Variants in SUGCT observed in about 807,000 individuals in gnomAD.
The protein encoded by SUGCT is succinyl-CoA:glutarate-CoA transferase.
A neutral mutation model predicts 55.0 loss-of-function variants in SUGCT; 41 were observed. The observed-to-expected ratio is 0.74, with a 90% CI of 0.58 to 0.97. The LOEUF is 0.97. Ranked by LOEUF, SUGCT falls within the 50% of genes least tolerant of loss-of-function variation. SUGCT has a pLI of 0.00. For missense variants in SUGCT, 568 were observed against 547.8 expected (o/e 1.04, Z -0.37); for synonymous variants, 187 against 200.4 (o/e 0.93, Z 0.56).
intron 9 of SUGCT, among the ~76,000 whole-genome samples, chr7:40,394,126 A>G (rs1785589470): frequency 1.3e-5 from 2 of 152,158 alleles, no homozygotes; most frequent in South Asian, 4.1e-4. Context: ...TATTTTCTTT[A>G]TAGCAGTGGT....
chr7:40,611,142 T>A lies in SUGCT; in HGVS notation c.1089+114756T>A, dbSNP rs900625510. Among the ~76,000 whole-genome samples, 8 of 152,314 alleles carry A rather than the reference T, an allele frequency of 5.3e-5. No individual in the cohort carries two copies. The South Asian group carries it at 1.7e-3, about 32-fold the overall frequency. On this transcript the variant is annotated intron_variant, in intron 12 of 13. Transcript: ENST00000335693. ...CACTCATACAGTTTTTTAGTCAGGG[T>A]GCATCAGATTTAGTAATATGTCTCC...
intron 6 of SUGCT, among the ~76,000 whole-genome samples, chr7:40,232,598 G>T (rs1443352848): frequency 2.0e-5 from 3 of 152,122 alleles, no homozygotes; most frequent in Non-Finnish European, 4.4e-5. Context: ...GGGTAGGCAG[G>T]CCAGATCATA....
the SUGCT span, among the ~76,000 whole-genome samples, chr7:40,916,235 A>G: frequency 3.3e-5 from 5 of 152,110 alleles, no homozygotes; most frequent in Non-Finnish European, 7.3e-5. Flanking sequence ...AATATTTTGT[A>G]TGGGATCTAC....
intron 12 of SUGCT, among the ~76,000 whole-genome samples, chr7:40,668,826 C>G (rs916097232): frequency 3.3e-5 from 5 of 152,162 alleles, no homozygotes; most frequent in Admixed American, 6.5e-5. Context: ...CTGCTGTACT[C>G]TAGCCAAACA....
At chr7:40,593,272 A>G (rs1797825491) in intron 12 of SUGCT, among the ~76,000 whole-genome samples, 1 of 152,118 alleles carries the variant, frequency 6.6e-6, no homozygotes, top group South Asian at 2.1e-4. Flanking sequence ...TACTGGTTTA[A>G]CAATTTCTCT....
intron 11 of SUGCT, among the ~76,000 whole-genome samples, chr7:40,469,334 A>G (rs950939287): frequency 4.6e-5 from 7 of 152,180 alleles, no homozygotes; most frequent in African/African-American, 1.7e-4. Context: ...GCTAATTTGG[A>G]TAAATGGATC....
chr7:40,648,541 G>A (rs943593797), intron 12 of SUGCT, among the ~76,000 whole-genome samples: 3 of 152,300 alleles, frequency 2.0e-5, no homozygotes, highest in African/African-American at 7.2e-5. Flanking sequence ...ACCTGTGAAT[G>A]TGAGCTCACT....
chr7:40,812,607 TTCTC>T (rs1232412138), intron 13 of SUGCT, among the ~76,000 whole-genome samples: 4 of 152,158 alleles, frequency 2.6e-5, no homozygotes, highest in African/African-American at 9.7e-5. Flanking sequence ...TATTTGGATC[TTCTC>T]TCTTTTTTTT....
chr7:40,303,321 A>T (rs1794650267), intron 8 of SUGCT, among the ~76,000 whole-genome samples: 1 of 152,154 alleles, frequency 6.6e-6, no homozygotes, highest in Non-Finnish European at 1.5e-5. Context: ...GGCGTGAGCC[A>T]CCTCGCCCGG....
chr7:40,616,416 A>C (rs1317294888), intron 12 of SUGCT, among the ~76,000 whole-genome samples: 2 of 151,978 alleles, frequency 1.3e-5, no homozygotes, highest in Non-Finnish European at 2.9e-5. Flanking sequence ...GGCTGACCGC[A>C]AGTGATCTAC....
chr7:41,018,988 C>T, the SUGCT span, among the ~76,000 whole-genome samples: 2 of 151,970 alleles, frequency 1.3e-5, no homozygotes, highest in African/African-American at 4.8e-5. Context: ...TCACTGCAAC[C>T]TCTGCCTCCC....
chr7:40,977,495 T>G, the SUGCT span, among the ~76,000 whole-genome samples: 2 of 152,190 alleles, frequency 1.3e-5, no homozygotes, highest in Non-Finnish European at 2.9e-5. Flanking sequence ...CCAGACCTAT[T>G]TGTATGCTAT....
intron 12 of SUGCT, among the ~76,000 whole-genome samples, chr7:40,532,848 A>T (rs1033578988): frequency 7.2e-5 from 11 of 152,210 alleles, no homozygotes; most frequent in Non-Finnish European, 2.9e-5. Context: ...TGAATTATGA[A>T]TACAATATTT....
chr7:40,961,566 AT>A, the SUGCT span, among the ~76,000 whole-genome samples: 18 of 152,226 alleles, frequency 1.2e-4, no homozygotes, highest in Admixed American at 2.0e-4. Flanking sequence ...TTCAAAAGCA[AT>A]TAAAGCCTAA....
chr7:40,336,858 T>C (rs554925575), intron 9 of SUGCT, among the ~76,000 whole-genome samples: 1 of 149,044 alleles, frequency 6.7e-6, no homozygotes, highest in East Asian at 1.9e-4. Context: ...CAATTTTAGA[T>C]CTTTCCTGCT....
intron 12 of SUGCT, among the ~76,000 whole-genome samples, chr7:40,522,043 C>T (rs539389742): frequency 6.6e-6 from 1 of 152,214 alleles, no homozygotes; most frequent in East Asian, 1.9e-4. Flanking sequence ...TTGAATTTTA[C>T]AGAGAAGAGA....
At chr7:40,324,256 T>A (rs949057990) in intron 9 of SUGCT, among the ~76,000 whole-genome samples, 10 of 119,936 alleles carry the variant, frequency 8.3e-5, no homozygotes, top group Admixed American at 1.9e-4. Flanking sequence ...TAAATAAATA[T>A]ATATATATTT....
chr7:40,283,848 T>C (rs1197696574), intron 8 of SUGCT, among the ~76,000 whole-genome samples: 1 of 152,152 alleles, frequency 6.6e-6, no homozygotes, highest in African/African-American at 2.4e-5. Context: ...AGGAAATCAG[T>C]ATGTTGAATA....
chr7:40,151,898 G>A (rs1025161228), intron 1 of SUGCT, among the ~76,000 whole-genome samples: 1 of 152,112 alleles, frequency 6.6e-6, no homozygotes, highest in African/African-American at 2.4e-5. Flanking sequence ...GGAGCCAGAG[G>A]GTAGGGAGTG....
Sources: gnomAD v4.1 joint callset for allele counts (sites outside exome capture counted in the v4.1 genomes callset) on GRCh38, gnomAD v4.1.1 for gene constraint, MANE v1.5 for transcripts, NCBI Gene and HGNC (gene_info 2026-07-23, HGNC 2026-07-21) for gene names.